Variants in YWHAB observed in about 807,000 individuals in gnomAD.
YWHAB encodes the protein 14-3-3 protein beta/alpha.
In YWHAB, 2 loss-of-function variants were observed where a neutral mutation model predicts 28.5. That is an observed-to-expected ratio of 0.07 (90% CI 0.03 to 0.22). The LOEUF (loss-of-function observed/expected upper bound fraction) is 0.22. YWHAB is among the 10% of genes least tolerant of loss of function. The pLI is 1.00. For synonymous variants in YWHAB, 103 were observed against 104.7 expected, an observed-to-expected ratio of 0.98 and a Z score of 0.10; for missense variants, 148 against 297.1, an observed-to-expected ratio of 0.50 and a Z score of 3.69.
chr20:44,899,069 G>A (rs1458367055), intron 1 of YWHAB, among the ~76,000 whole-genome samples: 2 of 151,990 alleles, frequency 1.3e-5, no homozygotes, highest in African/African-American at 2.4e-5. Flanking sequence ...CCGAGGTTGC[G>A]TCACTGAACT....
In YWHAB at chr20:44,907,927, G is replaced by C. The variant is rs2066668090; in HGVS notation, c.*1489G>C. 1 of 152,436 alleles carries C rather than the reference G, an allele frequency of 6.6e-6. No homozygotes were observed. The highest frequency in any genetic ancestry group is 2.4e-5 in the African/African-American group (1 of 41,436). The allele number at this position is 152,436 out of a possible 1,614,324, so 9.4% of individuals were successfully genotyped here. On this transcript the variant is annotated 3_prime_UTR_variant, in exon 6 of 6. Transcript: ENST00000353703. ...ATCATGCTTTTTGTGCCTGTCACCAGGTCTCCCAAGTGCACTCATCCAGGT... is the reference window on the plus strand; with the variant it reads ...ATCATGCTTTTTGTGCCTGTCACCACGTCTCCCAAGTGCACTCATCCAGGT...
At chr20:44,892,672 TTACTC>T (rs779261481) in intron 1 of YWHAB, among the ~76,000 whole-genome samples, 99 of 152,342 alleles carry the variant, frequency 6.5e-4, no homozygotes, top group Middle Eastern at 3.4e-3. Flanking sequence ...TTATGAGCCT[TTACTC>T]TAACCAGCAC....
rs1419545472 is a variant in YWHAB, at chr20:44,885,843, G to C, written c.-47G>C. The C allele has an allele frequency of 1.3e-5, 2 of 155,034 alleles. No homozygotes were observed. Among genetic ancestry groups the C allele is most frequent in the East Asian group, 1.9e-4 (1 of 5,210 alleles). The allele number at this position is 155,034 out of a possible 1,614,324, so 9.6% of individuals were successfully genotyped here. On this transcript the variant is annotated 5_prime_UTR_variant, in exon 1 of 6. Transcript: ENST00000353703. ...AGGAAGGAAGAGGTCATCTCGCTCG[G>C]AGCTTCGCTCGGAAGGGTCTTTGTT...
intron 1 of YWHAB, 120 bp downstream of exon 1, chr20:44,886,006 C>T (rs528235721): frequency 6.6e-6 from 1 of 152,278 alleles, no homozygotes; most frequent in Admixed American, 6.5e-5. Context: ...CGCGCTGCCT[C>T]TTTCGCTCCG....
Position 44,906,541 on chromosome 20 carries a change from C to A in YWHAB, c.*103C>A. The A allele has an allele frequency of 9.1e-7, 1 of 1,093,408 alleles. No individual in the cohort carries two copies. Among genetic ancestry groups the A allele is most frequent in the Non-Finnish European group, 1.3e-6 (1 of 791,844 alleles). 67.7% of individuals were successfully genotyped at this position (1,093,408 alleles called of 1,614,324 possible). ...AAAAAAAAAAAAGAGAATCGTACGT[C>A]GACTTTCGATTTTTCACAGCCTCAG... On this transcript the variant is annotated 3_prime_UTR_variant, in exon 6 of 6. Transcript: ENST00000353703.
At chr20:44,898,587 C>CA (rs1171904430) in intron 1 of YWHAB, among the ~76,000 whole-genome samples, 2 of 151,864 alleles carry the variant, frequency 1.3e-5, no homozygotes, top group Non-Finnish European at 2.9e-5. Flanking sequence ...CTGCTCACTG[C>CA]AACCTCCGTC....
At position 44,908,156 on chromosome 20, in the gene YWHAB, C is replaced by CA. The variant is rs58754462; in HGVS notation, c.*1727dup. 42,719 of 144,724 alleles carry CA rather than the reference C, an allele frequency of 0.3. 6,536 individuals carry two copies. The highest frequency in any genetic ancestry group is 0.39 in the African/African-American group (15,179 of 39,192). 9.0% of individuals were successfully genotyped at this position (144,724 alleles called of 1,614,324 possible). A position where few individuals can be genotyped will look rare whatever the true frequency, so the allele number is the denominator to read the frequency against. ...ATTTATGCACTGATTTAAAACAAACCAAAAAAAAAGAAAAAAACAAAAAAA... is the reference window on the plus strand; with the variant it reads ...ATTTATGCACTGATTTAAAACAAACCAAAAAAAAAAGAAAAAAACAAAAAAA... On this transcript the variant is annotated 3_prime_UTR_variant, in exon 6 of 6. Coordinates refer to ENST00000353703, the MANE Select transcript of YWHAB (RefSeq NM_139323.4).
chr20:44,905,244 G>C lies in YWHAB; in HGVS notation c.588+113G>C. On this transcript the variant is annotated intron_variant, in intron 4 of 5. Transcript: ENST00000353703. ...TTGGACTTTTTTTGAAAGATTTTCT[G>C]GGGGTGGGAGTGTATCTTTTATGAG... The C allele has an allele frequency of 1.9e-6, 2 of 1,067,890 alleles. 1 individual carries two copies. The highest frequency in any genetic ancestry group is 4.2e-4 in the Middle Eastern group (2 of 4,754). 66.2% of individuals were successfully genotyped at this position (1,067,890 alleles called of 1,614,324 possible).
At position 44,901,761 on chromosome 20, in the gene YWHAB, G is replaced by T; in HGVS notation, c.228G>T (p.Lys76Asn). The T allele has an allele frequency of 1.9e-6, 3 of 1,613,734 alleles. No homozygotes were observed. The highest frequency in any genetic ancestry group is 2.5e-6 in the Non-Finnish European group (3 of 1,179,652). ...AGCAGAAAACAGAGAGGAATGAGAA[G>T]AAGCAGCAGATGGGCAAAGAGTACC... ...SIEQKTERNE[K>N]KQQMGKEYRE... Residue 76 changes from lysine to asparagine, a missense_variant, in exon 2 of 6, where the codon AAG (lysine) becomes AAT (asparagine). Transcript: ENST00000353703.
intron 3 of YWHAB, 150 bp from the exon 4 acceptor site, chr20:44,904,818 G>A (rs1426151181): frequency 1.4e-6 from 1 of 696,096 alleles, no homozygotes; most frequent in Admixed American, 3.3e-5. Flanking sequence ...TCTAACAAAT[G>A]TATAATTGAA....
chr20:44,901,826 A>T lies in YWHAB; in HGVS notation c.293A>T (p.Asp98Val), dbSNP rs758306820. 1.3e-6 allele frequency: 2 copies of T among 1,595,528 alleles called. No homozygotes were observed. The highest frequency in any genetic ancestry group is 3.4e-5 in the Admixed American group (2 of 59,620). ...GCAGAACTGCAGGACATCTGCAATG[A>T]TGTTCTGGTAAGAGGCCAGTGCTTC... is the stretch of plus-strand genomic sequence containing the variant. ...IEAELQDICN[D>V]VLELLDKYLI... Residue 98 changes from aspartate to valine, a missense_variant, in exon 2 of 6, where the codon GAT becomes GTT. Transcript: ENST00000353703.
chr20:44,898,504 GT>G lies in YWHAB; in HGVS notation c.-3-3017del, dbSNP rs975655123. On this transcript the variant is annotated intron_variant, in intron 1 of 5. Transcript: ENST00000353703. The stretch of plus-strand genomic sequence containing the variant: ...TTGTGAGTGGAGGTCATACTTTCTT[GT>G]TTTTTTTTTCCTTTTTTTTTTGAGA... 1.5e-3 allele frequency among the ~76,000 whole-genome samples: 216 copies of G among 145,376 alleles called. 1 individual carries two copies. The highest frequency in any genetic ancestry group is 5.0e-3 in the African/African-American group (197 of 39,700).
chr20:44,896,230 C>A (rs1385313569), intron 1 of YWHAB, among the ~76,000 whole-genome samples: 1 of 152,178 alleles, frequency 6.6e-6, no homozygotes, highest in East Asian at 1.9e-4. Flanking sequence ...TCTGTTTTTA[C>A]TTAACCCATT....
chr20:44,887,756 A>T (rs2066536767), intron 1 of YWHAB: 2 of 152,352 alleles, frequency 1.3e-5, no homozygotes, highest in South Asian at 2.1e-4. Flanking sequence ...AATTTGGTTG[A>T]AATCTTGCCT....
At chr20:44,905,924 C>T (rs747357320) in intron 4 of YWHAB, 77 bp from the exon 5 acceptor site, 1 of 1,090,488 alleles carries the variant, frequency 9.2e-7, no homozygotes, top group Non-Finnish European at 1.4e-6. Context: ...AAGTTATATT[C>T]ACCTAGCGGG....
At chr20:44,889,878 G>A (rs2066550404) in intron 1 of YWHAB, among the ~76,000 whole-genome samples, 1 of 152,138 alleles carries the variant, frequency 6.6e-6, no homozygotes, top group African/African-American at 2.4e-5. Context: ...TTGATCTTTA[G>A]GAGATAGGGT....
In YWHAB at chr20:44,900,510, T is replaced by C. The variant is rs563899638; in HGVS notation, c.-3-1021T>C. On this transcript the variant is annotated intron_variant, in intron 1 of 5. Transcript: ENST00000353703. ...TTAGCAGATTACAGAAGATGTGATATAATCTTTCCCATCCTTCAGTTATCT... is the reference window on the plus strand; with the variant it reads ...TTAGCAGATTACAGAAGATGTGATACAATCTTTCCCATCCTTCAGTTATCT... 3.1e-3 allele frequency among the ~76,000 whole-genome samples: 465 copies of C among 152,324 alleles called. 3 individuals are homozygous for C. Among genetic ancestry groups the C allele is most frequent in the Non-Finnish European group, 5.1e-3 (346 of 68,036 alleles).
intron 2 of YWHAB, chr20:44,902,629 T>A (rs901435264): frequency 5.9e-5 from 9 of 152,206 alleles, no homozygotes; most frequent in African/African-American, 2.2e-4. Context: ...TCCTTTCTTT[T>A]GAAAACCAGT....
In YWHAB at chr20:44,908,054, T is replaced by G. The variant is rs902814929; in HGVS notation, c.*1616T>G. 6.6e-6 allele frequency: 1 copy of G among 152,334 alleles called. No individual in the cohort carries two copies. The highest frequency in any genetic ancestry group is 2.4e-5 in the African/African-American group (1 of 41,294). The allele number at this position is 152,334 out of a possible 1,614,324, so 9.4% of individuals were successfully genotyped here. ...AGTCAGGCCTATCAGTCTCACAGAA[T>G]CACCCCTCTACCTTTGATATTCCAC... is the stretch of plus-strand genomic sequence containing the variant. On this transcript the variant is annotated 3_prime_UTR_variant, in exon 6 of 6. Coordinates refer to ENST00000353703, the MANE Select transcript of YWHAB (RefSeq NM_139323.4).
Sources: gnomAD v4.1 joint callset for allele counts (sites outside exome capture counted in the v4.1 genomes callset) on GRCh38, gnomAD v4.1.1 for gene constraint, MANE v1.5 for transcripts, NCBI Gene and HGNC (gene_info 2026-07-23, HGNC 2026-07-21) for gene names.